The following NRXN1 variants were observed in gnomAD, a reference collection of about 807,000 sequenced individuals.
NRXN1 encodes the protein neurexin-1.
Under a neutral mutation model 150.9 loss-of-function variants are expected in NRXN1, and 39 were observed. That is an observed-to-expected ratio of 0.26 (90% confidence interval 0.20 to 0.34). The LOEUF (loss-of-function observed/expected upper bound fraction) is 0.34. NRXN1 is among the 10% of genes least tolerant of loss of function. The pLI is 1.00. For missense variants in NRXN1, 1,815 were observed against 1,949.9 expected, an observed-to-expected ratio of 0.93 and a Z score of 1.30; for synonymous variants, 924 against 757.0, an observed-to-expected ratio of 1.22 and a Z score of -3.62.
chr2:50,305,240 C>A (rs1217291938), intron 17 of NRXN1, among the ~76,000 whole-genome samples: 1 of 152,068 alleles, frequency 6.6e-6, no homozygotes, highest in Non-Finnish European at 1.5e-5. Flanking sequence ...GAAACAGAAA[C>A]GAGTTACAGA....
intron 19 of NRXN1, among the ~76,000 whole-genome samples, chr2:50,086,177 T>TA (rs1323299205): frequency 3.9e-5 from 6 of 152,306 alleles, no homozygotes; most frequent in African/African-American, 1.4e-4. Context: ...AAACAAATAT[T>TA]AAAAAATCAT....
chr2:50,932,367 T>C (rs1048656366), intron 2 of NRXN1, among the ~76,000 whole-genome samples: 13 of 151,988 alleles, frequency 8.6e-5, no homozygotes, highest in African/African-American at 2.9e-4. Flanking sequence ...CCTCTTTACA[T>C]TAAGTTTATG....
chr2:50,676,063 G>A (rs773098804), intron 5 of NRXN1, among the ~76,000 whole-genome samples: 7 of 152,114 alleles, frequency 4.6e-5, no homozygotes, highest in African/African-American at 7.2e-5. Flanking sequence ...TAGGTGTTTG[G>A]GTCATGGGGG....
At chr2:50,536,130 G>A (rs1209361344) in intron 10 of NRXN1, among the ~76,000 whole-genome samples, 1 of 152,128 alleles carries the variant, frequency 6.6e-6, no homozygotes, top group African/African-American at 2.4e-5. Flanking sequence ...CACGAACTGG[G>A]CAGAAGCCAA....
chr2:50,086,813 GA>G (rs1235344503), intron 19 of NRXN1, among the ~76,000 whole-genome samples: 1 of 134,660 alleles, frequency 7.4e-6, no homozygotes, highest in Non-Finnish European at 1.6e-5. Flanking sequence ...GGGAGAGGCA[GA>G]GAAGAATGAG....
At chr2:50,352,942 C>T (rs907213460) in intron 17 of NRXN1, among the ~76,000 whole-genome samples, 7 of 151,860 alleles carry the variant, frequency 4.6e-5, no homozygotes, top group South Asian at 2.1e-4. Context: ...CTCCAACCAC[C>T]GATAGTCCAG....
At chr2:50,274,487 A>T (rs775704810) in intron 17 of NRXN1, among the ~76,000 whole-genome samples, 23 of 152,146 alleles carry the variant, frequency 1.5e-4, no homozygotes, top group Non-Finnish European at 2.5e-4. Context: ...GCGTGCAGCA[A>T]ATCACCATGG....
intron 18 of NRXN1, among the ~76,000 whole-genome samples, chr2:50,172,323 A>C (rs1432475441): frequency 6.6e-6 from 1 of 152,156 alleles, no homozygotes; most frequent in Non-Finnish European, 1.5e-5. Flanking sequence ...AACAAGGGAA[A>C]TCACATGTTA....
At chr2:50,676,592 C>T (rs1230011856) in intron 5 of NRXN1, among the ~76,000 whole-genome samples, 2 of 152,136 alleles carry the variant, frequency 1.3e-5, no homozygotes, top group Non-Finnish European at 2.9e-5. Context: ...AACGATAATA[C>T]ATACAAACTG....
At chr2:50,600,640 G>C (rs1025910685) in intron 8 of NRXN1, among the ~76,000 whole-genome samples, 2 of 152,044 alleles carry the variant, frequency 1.3e-5, no homozygotes, top group African/African-American at 2.4e-5. Flanking sequence ...TTGCTTTTTG[G>C]GGGCAAGGAA....
At chr2:50,181,205 A>C (rs903165867) in intron 18 of NRXN1, among the ~76,000 whole-genome samples, 1 of 151,916 alleles carries the variant, frequency 6.6e-6, no homozygotes, top group African/African-American at 2.4e-5. Context: ...AGAAGTCTTA[A>C]CTATCTTGAA....
At chr2:50,896,002 G>A (rs898407276) in intron 5 of NRXN1, among the ~76,000 whole-genome samples, 10 of 152,054 alleles carry the variant, frequency 6.6e-5, no homozygotes, top group South Asian at 2.1e-4. Flanking sequence ...AAATTATCTC[G>A]AAATTCTCTC....
chr2:50,241,522 G>A (rs1359314586), intron 17 of NRXN1, among the ~76,000 whole-genome samples: 1 of 151,766 alleles, frequency 6.6e-6, no homozygotes, highest in Non-Finnish European at 1.5e-5. Flanking sequence ...ATGTATGAAT[G>A]ACTGAAATTT....
At chr2:50,783,669 C>G (rs1704661773) in intron 5 of NRXN1, among the ~76,000 whole-genome samples, 1 of 152,102 alleles carries the variant, frequency 6.6e-6, no homozygotes, top group South Asian at 2.1e-4. Flanking sequence ...ACATTTTTCT[C>G]TCTAGTACTC....
intron 5 of NRXN1, among the ~76,000 whole-genome samples, chr2:50,878,299 C>T (rs961290944): frequency 6.6e-6 from 1 of 151,882 alleles, no homozygotes; most frequent in African/African-American, 2.4e-5. Flanking sequence ...GGCTGAGTGC[C>T]ATTTTAAATT....
At chr2:50,038,742 C>A (rs1419593522) in intron 21 of NRXN1, among the ~76,000 whole-genome samples, 1 of 151,558 alleles carries the variant, frequency 6.6e-6, no homozygotes, top group East Asian at 1.9e-4. Flanking sequence ...TCCTTCCCTC[C>A]CTCTCTTCCT....
At chr2:50,004,994 T>G (rs989801105) in intron 21 of NRXN1, among the ~76,000 whole-genome samples, 4 of 152,054 alleles carry the variant, frequency 2.6e-5, no homozygotes, top group Non-Finnish European at 5.9e-5. Context: ...GGCCCAACAG[T>G]TTAGAAAACA....
intron 21 of NRXN1, among the ~76,000 whole-genome samples, chr2:50,021,142 CA>C (rs905975798): frequency 1.3e-5 from 2 of 152,160 alleles, no homozygotes; most frequent in Non-Finnish European, 2.9e-5. Context: ...TAAGCACTTT[CA>C]GAAGGGGTAA....
At chr2:50,051,037 T>C (rs1281397189) in intron 21 of NRXN1, among the ~76,000 whole-genome samples, 2 of 151,964 alleles carry the variant, frequency 1.3e-5, no homozygotes, top group African/African-American at 4.8e-5. Flanking sequence ...GAACCAAGTA[T>C]TCACTAATTA....
Sources: gnomAD v4.1 joint callset for allele counts (sites outside exome capture counted in the v4.1 genomes callset) on GRCh38, gnomAD v4.1.1 for gene constraint, MANE v1.5 for transcripts, NCBI Gene and HGNC (gene_info 2026-07-23, HGNC 2026-07-21) for gene names.